The following KLHDC10 variants were observed in gnomAD, a reference collection of about 807,000 sequenced individuals.
KLHDC10 encodes kelch domain-containing protein 10.
In KLHDC10, 24 loss-of-function variants were observed where a neutral mutation model predicts 56.1. That is an observed-to-expected ratio of 0.43 (90% CI 0.31 to 0.60). The LOEUF is 0.60. Among genes scored for constraint, KLHDC10 ranks in the 20% least tolerant of loss-of-function variants. KLHDC10 has a pLI of 0.11. For synonymous variants in KLHDC10, 188 were observed against 207.1 expected (o/e 0.91, Z 0.79); for missense variants, 349 against 567.0 (o/e 0.62, Z 3.91).
intron 3 of KLHDC10, among the ~76,000 whole-genome samples, chr7:130,118,730 G>A (rs1373260575): frequency 2.6e-5 from 4 of 152,238 alleles, no homozygotes; most frequent in South Asian, 2.1e-4. Context: ...AGAGGCCATT[G>A]TAAGGTTATT....
At chr7:130,071,091 G>A (rs1004034253) in intron 1 of KLHDC10, among the ~76,000 whole-genome samples, 3 of 152,126 alleles carry the variant, frequency 2.0e-5, no homozygotes, top group African/African-American at 7.2e-5. Context: ...CAAATGTTTC[G>A]GTTACTCGAT....
At chr7:130,085,520 C>T (rs1795675537) in intron 1 of KLHDC10, among the ~76,000 whole-genome samples, 1 of 151,068 alleles carries the variant, frequency 6.6e-6, no homozygotes, top group Admixed American at 6.6e-5. Flanking sequence ...TTGTCGAGAG[C>T]AAGGTAGGAT....
At position 130,116,337 on chromosome 7, in the gene KLHDC10, A is replaced by G. The variant is rs997811364; in HGVS notation, c.254-108A>G. On this transcript the variant is annotated intron_variant, in intron 2 of 9. Coordinates refer to ENST00000335420, the MANE Select transcript of KLHDC10 (RefSeq NM_014997.4). The surrounding 1 kb of genome is among the most constrained non-coding windows in gnomAD (Gnocchi z 4.8). ...AACAAATAAGAAGTATATCCATGTT[A>G]TAAATCCTTCCTGGTCCCCTTTTAT... 4.1e-6 allele frequency: 3 copies of G among 730,958 alleles called. No individual in the cohort carries two copies. Among genetic ancestry groups the G allele is most frequent in the East Asian group, 5.4e-5 (2 of 37,170 alleles). 45.3% of individuals were successfully genotyped at this position (730,958 alleles called of 1,614,324 possible).
chr7:130,085,764 G>A (rs1351986672), intron 1 of KLHDC10, among the ~76,000 whole-genome samples: 3 of 150,810 alleles, frequency 2.0e-5, no homozygotes, highest in Non-Finnish European at 4.4e-5. Flanking sequence ...AACCCAGGAG[G>A]TGGAGGTTGC....
Position 130,122,175 on chromosome 7 carries a change from A to G in KLHDC10, c.752A>G (p.Asn251Ser), listed in dbSNP as rs1303852962. 6.2e-7 allele frequency: 1 copy of G among 1,613,858 alleles called. No homozygotes were observed. Among genetic ancestry groups the G allele is most frequent in the South Asian group, 1.1e-5 (1 of 91,058 alleles). ...GAGTGGACACAACTGAAACCAAACA[A>G]CCTATCCTGTGATCTACCAGAAGAG... The part of the protein sequence containing the change: ...TREWTQLKPN[N>S]LSCDLPEERY... Residue 251 changes from asparagine to serine, a missense_variant, in exon 5 of 10, where the codon AAC becomes AGC. This residue lies in a region of KLHDC10 where 245 missense variants were observed against 470.1 expected (regional missense o/e 0.52). Coordinates refer to ENST00000335420, the MANE Select transcript of KLHDC10 (RefSeq NM_014997.4).
At chr7:130,108,349 A>T (rs1353828297) in intron 2 of KLHDC10, among the ~76,000 whole-genome samples, 2 of 152,122 alleles carry the variant, frequency 1.3e-5, no homozygotes, top group African/African-American at 4.8e-5. Context: ...TTAAAAATAG[A>T]ATTTTAATTG....
intron 1 of KLHDC10, among the ~76,000 whole-genome samples, chr7:130,085,235 A>G (rs1795669613): frequency 6.6e-6 from 1 of 151,168 alleles, no homozygotes; most frequent in African/African-American, 2.4e-5. Context: ...AGGGAGGCTG[A>G]GGCAGGAGAA....
intron 1 of KLHDC10, among the ~76,000 whole-genome samples, chr7:130,092,023 C>CTAT (rs761657258): frequency 6.6e-6 from 1 of 152,084 alleles, no homozygotes; most frequent in African/African-American, 2.4e-5. Flanking sequence ...GTTGAAAAGA[C>CTAT]TATTTATTCC....
chr7:130,073,575 C>T (rs987870347), intron 1 of KLHDC10, among the ~76,000 whole-genome samples: 2 of 152,136 alleles, frequency 1.3e-5, no homozygotes, highest in Non-Finnish European at 2.9e-5. Flanking sequence ...GGATTACAGG[C>T]GTGAGTCACA....
chr7:130,130,714 C>G lies in KLHDC10; in HGVS notation c.1297C>G (p.Leu433Val). The G allele has an allele frequency of 6.2e-7, 1 of 1,614,180 alleles. No homozygotes were observed. Among genetic ancestry groups the G allele is most frequent in the Non-Finnish European group, 8.5e-7 (1 of 1,180,038 alleles). Residue 433 changes from leucine (L) to valine (V), a missense_variant, in exon 10 of 10, where the codon CTC becomes GTC. By Grantham distance (32) the Leu-to-Val change is conservative (BLOSUM62 1). Transcript: ENST00000335420. The surrounding 1 kb of genome is among the most constrained non-coding windows in gnomAD (Gnocchi z 4.2). ...LSRTQLLHLG[L>V]TQGLIERLK is the part of the protein sequence containing the mutation. The stretch of plus-strand genomic sequence containing the variant: ...CCGAACACAACTTCTGCACCTTGGA[C>G]TCACACAGGGACTCATCGAACGCTT...
chr7:130,073,944 G>A (rs983377353), intron 1 of KLHDC10, among the ~76,000 whole-genome samples: 1 of 152,120 alleles, frequency 6.6e-6, no homozygotes, highest in Non-Finnish European at 1.5e-5. Flanking sequence ...CAGTATTCGT[G>A]CTTCTACTCT....
intron 2 of KLHDC10, among the ~76,000 whole-genome samples, chr7:130,109,878 A>G (rs1024288504): frequency 6.6e-6 from 1 of 152,168 alleles, no homozygotes; most frequent in Non-Finnish European, 1.5e-5. Context: ...ACCTCAGGCA[A>G]TCTGCCCGCC....
chr7:130,102,478 A>G (rs1462092805), intron 2 of KLHDC10, among the ~76,000 whole-genome samples: 6 of 152,218 alleles, frequency 3.9e-5, no homozygotes, highest in Non-Finnish European at 8.8e-5. Flanking sequence ...TTCTAATCAC[A>G]GAATGTATCT....
chr7:130,075,486 C>T (rs1011594292), intron 1 of KLHDC10, among the ~76,000 whole-genome samples: 2 of 152,148 alleles, frequency 1.3e-5, no homozygotes, highest in Non-Finnish European at 2.9e-5. Context: ...TAGAAGCAAC[C>T]AATGATACAT....
chr7:130,096,322 G>A (rs1343501891), intron 1 of KLHDC10, among the ~76,000 whole-genome samples: 1 of 152,074 alleles, frequency 6.6e-6, no homozygotes, highest in Non-Finnish European at 1.5e-5. Flanking sequence ...TTAACATGGA[G>A]GTAATTTGCT....
chr7:130,087,018 G>A (rs1017650104), intron 1 of KLHDC10, among the ~76,000 whole-genome samples: 1 of 152,246 alleles, frequency 6.6e-6, no homozygotes, highest in South Asian at 2.1e-4. Flanking sequence ...AGATACTATT[G>A]CTGTCCCCTT....
At chr7:130,080,177 A>T (rs1795583774) in intron 1 of KLHDC10, among the ~76,000 whole-genome samples, 1 of 152,030 alleles carries the variant, frequency 6.6e-6, no homozygotes, top group Non-Finnish European at 1.5e-5. Context: ...CCTGGCCTCC[A>T]GTCATCCTCT....
At chr7:130,070,887 T>C in intron 1 of KLHDC10, 78 bp downstream of exon 1, 4 of 1,113,462 alleles carry the variant, frequency 3.6e-6, no homozygotes, top group Non-Finnish European at 4.7e-6. Flanking sequence ...CCTGGCTTGC[T>C]TTTCCTTGGG....
chr7:130,083,920 A>C (rs1486158612), intron 1 of KLHDC10, among the ~76,000 whole-genome samples: 1 of 151,818 alleles, frequency 6.6e-6, no homozygotes, highest in Non-Finnish European at 1.5e-5. Context: ...GTCTTTGTCA[A>C]CTCTTTCCCT....
Sources: allele counts gnomAD v4.1 joint callset (sites outside exome capture counted in the v4.1 genomes callset), GRCh38; gene constraint gnomAD v4.1.1; regional missense constraint gnomAD v4.1.1; non-coding constraint Gnocchi (gnomAD v3.1); transcripts MANE v1.5; gene names NCBI Gene and HGNC (gene_info 2026-07-23, HGNC 2026-07-21).